BAZ1A: variants seen among roughly 807,000 people sequenced by gnomAD.
BAZ1A encodes bromodomain adjacent to zinc finger domain protein 1A.
BAZ1A carries 50 observed loss-of-function variants against 185.2 expected under a neutral mutation model. The observed-to-expected ratio is 0.27, with a 90% confidence interval of 0.22 to 0.34. The LOEUF is 0.34. Among genes scored for constraint, BAZ1A ranks in the 10% least tolerant of loss-of-function variants. The pLI, the probability that BAZ1A is intolerant of heterozygous loss-of-function variation, is 1.00. For synonymous variants in BAZ1A, 571 were observed against 615.6 expected (o/e 0.93, Z 1.07); for missense variants, 1,356 against 1,839.9 (o/e 0.74, Z 4.81).
In BAZ1A at chr14:34,753,304, A is replaced by G. The variant is rs1311727737; in HGVS notation, c.*204T>C. The G allele has an allele frequency of 1.8e-6, 1 of 557,562 alleles. No individual in the cohort carries two copies. The highest frequency in any genetic ancestry group is 2.9e-5 in the East Asian group (1 of 34,154). 34.5% of individuals were successfully genotyped at this position (557,562 alleles called of 1,614,324 possible). A position where few individuals can be genotyped will look rare whatever the true frequency, so the allele number is the denominator to read the frequency against. Reference sequence around the variant, plus strand: ...CAGTACTGTATCCAATACATCTATCAAACTTATTAGATACTGAACAAAACT... The same window carrying G: ...CAGTACTGTATCCAATACATCTATCGAACTTATTAGATACTGAACAAAACT... On this transcript the variant is annotated 3_prime_UTR_variant, in exon 27 of 27. Transcript: ENST00000360310.
chr14:34,798,474 C>T (rs759742737), intron 9 of BAZ1A, among the ~76,000 whole-genome samples: 17 of 152,174 alleles, frequency 1.1e-4, no homozygotes, highest in African/African-American at 1.7e-4. Context: ...GACAAAGCTT[C>T]CAAAGGAAGG....
intron 3 of BAZ1A, among the ~76,000 whole-genome samples, chr14:34,831,069 C>T (rs2042235724): frequency 6.6e-6 from 1 of 152,166 alleles, no homozygotes; most frequent in South Asian, 2.1e-4. Flanking sequence ...TCTCTATTCT[C>T]TGAGAAAAAG....
Position 34,794,877 on chromosome 14 carries a change from T to C in BAZ1A, c.1235A>G (p.Glu412Gly). 6.2e-7 allele frequency: 1 copy of C among 1,610,858 alleles called. No individual in the cohort carries two copies. Among genetic ancestry groups the C allele is most frequent in the Non-Finnish European group, 8.5e-7 (1 of 1,179,202 alleles). ...MECDDLKELPEPTPVKTRLPP... is the reference protein window; with the variant it reads ...MECDDLKELPGPTPVKTRLPP... ...TAGTCTAGTTTTCACTGGTGTTGGT[T>C]CTGGAAGTTCCTGAAATATTGAACA... The change falls in exon 11 of 27, where the codon GAA becomes GGA. Residue 412 changes from glutamate to glycine, a missense_variant. Glu to Gly is a moderately conservative substitution (Grantham distance 98). This residue lies in a region of BAZ1A where 184 missense variants were observed against 355.1 expected (regional missense o/e 0.52). Transcript: ENST00000360310.
intron 14 of BAZ1A, among the ~76,000 whole-genome samples, chr14:34,785,070 G>A (rs1186096084): frequency 6.6e-6 from 1 of 152,102 alleles, no homozygotes; most frequent in African/African-American, 2.4e-5. Context: ...TGGCCAGGCT[G>A]GTCTCGAACT....
At position 34,874,867 on chromosome 14, in the gene BAZ1A, A is replaced by AC. The variant is rs1471543765; in HGVS notation, c.-58-206dup. On this transcript the variant is annotated intron_variant, in intron 1 of 26. Transcript: ENST00000360310. The surrounding 1 kb of genome is among the most constrained non-coding windows in gnomAD (Gnocchi z 4.7). ...CGCCCCTGCCCCCCGAGCGCGCCCT[A>AC]CCTCCTCTCGTCCTGCCGCCGCCTC... The AC allele has an allele frequency of 2.1e-5, 7 of 333,478 alleles. No homozygotes were observed. The Admixed American group carries it at 2.1e-4, about 10-fold the overall frequency. 20.7% of individuals were successfully genotyped at this position (333,478 alleles called of 1,614,324 possible). A position where few individuals can be genotyped will look rare whatever the true frequency, so the allele number is the denominator to read the frequency against.
chr14:34,758,594 A>C, intron 25 of BAZ1A, 110 bp downstream of exon 25: 2 of 1,168,216 alleles, frequency 1.7e-6, no homozygotes, highest in South Asian at 1.6e-5. Context: ...AAACAACAAC[A>C]ACAAAAAAAA....
Position 34,875,296 on chromosome 14 carries a change from C to G in BAZ1A, c.-217G>C, listed in dbSNP as rs902065205. 8.8e-6 allele frequency: 4 copies of G among 455,738 alleles called. No homozygotes were observed. Among genetic ancestry groups the G allele is most frequent in the Non-Finnish European group, 1.8e-5 (4 of 226,716 alleles). The allele number at this position is 455,738 out of a possible 1,614,324, so 28.2% of individuals were successfully genotyped here. Reference sequence around the variant, plus strand: ...CCCGACTCCGCGCGGGGAATTGCGTCCCACCGCCACTTCCCCGCCTCTCGG... The same window carrying G: ...CCCGACTCCGCGCGGGGAATTGCGTGCCACCGCCACTTCCCCGCCTCTCGG... On this transcript the variant is annotated 5_prime_UTR_variant, in exon 1 of 27. Transcript: ENST00000360310.
chr14:34,868,250 T>C (rs528465631), intron 2 of BAZ1A, among the ~76,000 whole-genome samples: 12 of 152,280 alleles, frequency 7.9e-5, no homozygotes, highest in African/African-American at 2.6e-4. Flanking sequence ...AGAGACCCTA[T>C]GGCCAAGCAA....
At position 34,783,917 on chromosome 14, in the gene BAZ1A, C is replaced by T. The variant is rs780468666; in HGVS notation, c.1842G>A (p.Met614Ile). 7.6e-6 allele frequency: 12 copies of T among 1,587,016 alleles called. No homozygotes were observed. Among genetic ancestry groups the T allele is most frequent in the Non-Finnish European group, 1.0e-5 (12 of 1,171,250 alleles). Residue 614 changes from methionine (M) to isoleucine (I), a missense_variant, in exon 15 of 27, where the codon ATG (methionine) becomes ATA (isoleucine). By Grantham distance (10) the Met-to-Ile change is conservative. Coordinates refer to ENST00000360310, the MANE Select transcript of BAZ1A (RefSeq NM_013448.3). Reference sequence around the variant, plus strand: ...TTCCACAGAGAGCATGGAGTATCTTCATTTTTTCTCCTGTCAAAAATTGGT... The same window carrying T: ...TTCCACAGAGAGCATGGAGTATCTTTATTTTTTCTCCTGTCAAAAATTGGT... Reference protein sequence around the residue: ...SVYDLTPGEKMKILHALCGKL... With the variant: ...SVYDLTPGEKIKILHALCGKL...
intron 5 of BAZ1A, among the ~76,000 whole-genome samples, chr14:34,808,478 A>G (rs1406757732): frequency 6.6e-6 from 1 of 152,144 alleles, no homozygotes; most frequent in African/African-American, 2.4e-5. Flanking sequence ...AGTCTCGGAG[A>G]CAGAGTGAGA....
intron 3 of BAZ1A, among the ~76,000 whole-genome samples, chr14:34,832,215 C>CACACACACATATATATAT: frequency 2.9e-4 from 26 of 89,712 alleles, no homozygotes; most frequent in African/African-American, 4.5e-4. Context: ...CACACACACA[C>CACACACACATATATATAT]ATATATATAT....
chr14:34,844,238 GT>G (rs1286646969), intron 3 of BAZ1A, among the ~76,000 whole-genome samples: 13 of 145,560 alleles, frequency 8.9e-5, no homozygotes, highest in Middle Eastern at 3.6e-3. Context: ...AAAAAGAATG[GT>G]TTAAACACTT....
Position 34,826,161 on chromosome 14 carries a change from A to T in BAZ1A, c.393-5T>A. The T allele has an allele frequency of 6.2e-7, 1 of 1,605,496 alleles. No individual in the cohort carries two copies. Among genetic ancestry groups the T allele is most frequent in the Admixed American group, 1.7e-5 (1 of 57,714 alleles). On this transcript the variant is annotated splice_region_variant and splice_polypyrimidine_tract_variant and intron_variant, in intron 3 of 26. Transcript: ENST00000360310. ...TCCAAAATCCTACACTGCAACCTGA[A>T]ATAAAATGATACATTTAAAAATGCA...
At chr14:34,865,461 T>C (rs1423264368) in intron 2 of BAZ1A, among the ~76,000 whole-genome samples, 1 of 152,226 alleles carries the variant, frequency 6.6e-6, no homozygotes, top group Non-Finnish European at 1.5e-5. Flanking sequence ...AACTGTTATA[T>C]GTCTATTTCC....
chr14:34,794,810 G>A lies in BAZ1A; in HGVS notation c.1302C>T (p.Phe434=). 3 of 1,614,088 alleles carry A rather than the reference G, an allele frequency of 1.9e-6. No individual in the cohort carries two copies. The highest frequency in any genetic ancestry group is 1.7e-6 in the Non-Finnish European group (2 of 1,179,982). Residue 434 remains phenylalanine, a synonymous_variant, in exon 11 of 27, where the codon TTC becomes TTT. Coordinates refer to ENST00000360310, the MANE Select transcript of BAZ1A (RefSeq NM_013448.3). ...IFGDALMVLE[F]LNAFGELFDL... ...CAAAAAGTTCCCCAAATGCATTAAG[G>A]AACTCCAAAACCATCAGAGCATCAC...
At chr14:34,868,226 G>T (rs2042893091) in intron 2 of BAZ1A, among the ~76,000 whole-genome samples, 1 of 152,096 alleles carries the variant, frequency 6.6e-6, no homozygotes, top group Non-Finnish European at 1.5e-5. Flanking sequence ...CATTTGCACA[G>T]TTGGATAGGT....
rs2043010332 is a variant in BAZ1A, at chr14:34,874,554, G to C, written c.51C>G (p.Asp17Glu). ...AGAAAACTTCCTCGTCGGGCCGCAG[G>C]TCCGCGGGCGGCTTCTGTCTCACAA... ...KPFVRQKPPA[D>E]LRPDEEVFYC... Residue 17 changes from aspartate to glutamate, a missense_variant, in exon 2 of 27, where the codon GAC becomes GAG. By Grantham distance (45) the Asp-to-Glu change is conservative. Transcript: ENST00000360310. The surrounding 1 kb of genome is among the most constrained non-coding windows in gnomAD (Gnocchi z 4.7). 1 of 1,611,534 alleles carries C rather than the reference G, an allele frequency of 6.2e-7. No individual in the cohort carries two copies. The highest frequency in any genetic ancestry group is 1.7e-5 in the Admixed American group (1 of 59,912).
rs905508200 is a variant in BAZ1A at position 34,875,260 on chromosome 14, C to T, written c.-181G>A. On this transcript the variant is annotated 5_prime_UTR_variant, in exon 1 of 27. Coordinates refer to ENST00000360310, the MANE Select transcript of BAZ1A (RefSeq NM_013448.3). ...CCGCGCCCCTGGCTGCCGCTTCTCC[C>T]GCTGCCACTGCCCGACTCCGCGCGG... The T allele has an allele frequency of 5.1e-5, 23 of 454,898 alleles. No homozygotes were observed. In the East Asian group the frequency reaches 1.5e-3, roughly 30 times the overall value. The allele number at this position is 454,898 out of a possible 1,614,324, so 28.2% of individuals were successfully genotyped here.
intron 3 of BAZ1A, among the ~76,000 whole-genome samples, chr14:34,833,005 T>C (rs139754705): frequency 0.01 from 1,555 of 152,222 alleles, 18 homozygotes; most frequent in Admixed American, 0.019. Context: ...TTCTGATACA[T>C]GCTACAATGT....
Sources: gnomAD v4.1 joint callset for allele counts (sites outside exome capture counted in the v4.1 genomes callset) on GRCh38, gnomAD v4.1.1 for gene constraint, gnomAD v4.1.1 regional missense constraint, Gnocchi (gnomAD v3.1) non-coding constraint, MANE v1.5 for transcripts, NCBI Gene and HGNC (gene_info 2026-07-23, HGNC 2026-07-21) for gene names.